CDYL2: variants seen among roughly 807,000 people sequenced by gnomAD.
CDYL2 encodes chromodomain Y-like protein 2.
Under a neutral mutation model 49.4 loss-of-function variants are expected in CDYL2, and 23 were observed. The ratio of observed to expected loss-of-function variants is 0.47; its 90% CI spans 0.34 to 0.66. The LOEUF is 0.66. CDYL2 is among the 30% of genes least tolerant of loss of function. The pLI is 0.01. For missense variants in CDYL2, 678 were observed against 656.4 expected (o/e 1.03, Z -0.36); for synonymous variants, 360 against 268.8 (o/e 1.34, Z -3.32).
chr16:80,659,510 C>A (rs1162141711), intron 2 of CDYL2, among the ~76,000 whole-genome samples: 1 of 151,878 alleles, frequency 6.6e-6, no homozygotes, highest in East Asian at 1.9e-4. Context: ...AATATCCACA[C>A]TAGATATTAA....
At chr16:80,762,217 C>A (rs10871396) in intron 1 of CDYL2, among the ~76,000 whole-genome samples, 1 of 151,938 alleles carries the variant, frequency 6.6e-6, no homozygotes, top group Non-Finnish European at 1.5e-5. Flanking sequence ...AAAACAAAGG[C>A]TACATCTATT....
intron 1 of CDYL2, among the ~76,000 whole-genome samples, chr16:80,718,322 T>C (rs922478567): frequency 3.9e-5 from 6 of 152,224 alleles, no homozygotes; most frequent in Admixed American, 1.3e-4. Flanking sequence ...TAAAGATGGA[T>C]GGCAAACTCA....
intron 2 of CDYL2, among the ~76,000 whole-genome samples, chr16:80,653,936 C>A (rs563180374): frequency 6.6e-6 from 1 of 152,134 alleles, no homozygotes; most frequent in Non-Finnish European, 1.5e-5. Context: ...ATTCCTCAAA[C>A]CCCAGGAGTC....
chr16:80,608,028 G>C, intron 6 of CDYL2, 64 bp downstream of exon 6: 4 of 1,490,858 alleles, frequency 2.7e-6, no homozygotes, highest in Non-Finnish European at 3.6e-6. Flanking sequence ...TCTGAGCCTT[G>C]CTGTCTTCAT....
chr16:80,612,579 G>C lies in CDYL2; in HGVS notation c.1218+47C>G, dbSNP rs780760548. Reference sequence around the variant, plus strand: ...GAAGAGCCCCTAAACCCAAGGCAGAGGAAGGATCCTGCTGGGACCCGAATC... The same window carrying C: ...GAAGAGCCCCTAAACCCAAGGCAGACGAAGGATCCTGCTGGGACCCGAATC... On this transcript the variant is annotated intron_variant, in intron 5 of 6. Coordinates refer to ENST00000570137, the MANE Select transcript of CDYL2 (RefSeq NM_152342.4). The surrounding 1 kb of genome is among the most constrained non-coding windows in gnomAD (Gnocchi z 5.0). The C allele has an allele frequency of 1.3e-6, 2 of 1,536,672 alleles. No individual in the cohort carries two copies. The highest frequency in any genetic ancestry group is 1.9e-5 in the Admixed American group (1 of 51,806).
chr16:80,694,642 G>C (rs752950944), intron 1 of CDYL2, among the ~76,000 whole-genome samples: 53 of 152,102 alleles, frequency 3.5e-4, no homozygotes, highest in Non-Finnish European at 2.5e-4. Flanking sequence ...ACATGAGTTA[G>C]AGCACACACA....
chr16:80,726,359 A>G (rs973581750), intron 1 of CDYL2, among the ~76,000 whole-genome samples: 13 of 152,246 alleles, frequency 8.5e-5, no homozygotes, highest in African/African-American at 2.9e-4. Flanking sequence ...CACAACAAAC[A>G]ATAACTGTAT....
Position 80,686,237 on chromosome 16 carries a change from C to T in CDYL2, c.25-1108G>A, listed in dbSNP as rs186013494. On this transcript the variant is annotated intron_variant, in intron 1 of 6. Transcript: ENST00000570137. Reference sequence around the variant, plus strand: ...CGTGGAAAAATACACTCGGAAAATGCCAGTCTCGATGCTAATAACTGTTGT... The same window carrying T: ...CGTGGAAAAATACACTCGGAAAATGTCAGTCTCGATGCTAATAACTGTTGT... 1.5e-4 allele frequency among the ~76,000 whole-genome samples: 23 copies of T among 152,264 alleles called. No individual in the cohort carries two copies. The East Asian group carries it at 4.4e-3, about 29-fold the overall frequency.
chr16:80,796,405 C>A (rs1907769545), intron 1 of CDYL2, among the ~76,000 whole-genome samples: 1 of 152,208 alleles, frequency 6.6e-6, no homozygotes, highest in African/African-American at 2.4e-5. Flanking sequence ...ACACATAAAA[C>A]TGACCATCAC....
At chr16:80,800,565 G>T (rs1447361887) in intron 1 of CDYL2, among the ~76,000 whole-genome samples, 1 of 151,594 alleles carries the variant, frequency 6.6e-6, no homozygotes, top group Admixed American at 6.6e-5. Flanking sequence ...ACCACAAACC[G>T]AAAAGATCCA....
intron 5 of CDYL2, among the ~76,000 whole-genome samples, chr16:80,611,892 C>A (rs369128652): frequency 6.6e-6 from 1 of 152,324 alleles, no homozygotes; most frequent in East Asian, 1.9e-4. Flanking sequence ...CAGTGGACTC[C>A]GCCGCCTCTG....
chr16:80,793,641 G>C (rs928785859), intron 1 of CDYL2, among the ~76,000 whole-genome samples: 13 of 152,146 alleles, frequency 8.5e-5, no homozygotes, highest in African/African-American at 2.7e-4. Flanking sequence ...TACAGACATG[G>C]TCCCTGCCCT....
chr16:80,801,221 C>T (rs375721217), intron 1 of CDYL2, among the ~76,000 whole-genome samples: 3 of 152,194 alleles, frequency 2.0e-5, no homozygotes, highest in African/African-American at 4.8e-5. Flanking sequence ...TAAGTGATGG[C>T]TACAATGCAC....
At chr16:80,677,807 A>G (rs1390738635) in intron 2 of CDYL2, among the ~76,000 whole-genome samples, 1 of 151,954 alleles carries the variant, frequency 6.6e-6, no homozygotes, top group Non-Finnish European at 1.5e-5. Context: ...TGCCAAGTCA[A>G]TCCTAAGCCA....
chr16:80,683,488 G>A (rs147900856), intron 2 of CDYL2, among the ~76,000 whole-genome samples: 6 of 152,300 alleles, frequency 3.9e-5, no homozygotes, highest in Non-Finnish European at 7.3e-5. Context: ...TGCCTACAGA[G>A]ACTTTGGAAA....
At position 80,690,898 on chromosome 16, in the gene CDYL2, C is replaced by G. The variant is rs1246311886; in HGVS notation, c.25-5769G>C. Among the ~76,000 whole-genome samples, 3 of 152,300 alleles carry G rather than the reference C, an allele frequency of 2.0e-5. No individual in the cohort carries two copies. The East Asian group carries it at 5.8e-4, about 29-fold the overall frequency. On this transcript the variant is annotated intron_variant, in intron 1 of 6. Coordinates refer to ENST00000570137, the MANE Select transcript of CDYL2 (RefSeq NM_152342.4). ...ATCCCCACCACAGATTCCCACCAAA[C>G]CAGCACAATGTATAAAATTACAATT...
In CDYL2 at chr16:80,641,050, T is replaced by C. The variant is rs570218472; in HGVS notation, c.617-7814A>G. Among the ~76,000 whole-genome samples, 8 of 152,146 alleles carry C rather than the reference T, an allele frequency of 5.3e-5. No individual in the cohort carries two copies. In the East Asian group the frequency reaches 1.5e-3, roughly 29 times the overall value. On this transcript the variant is annotated intron_variant, in intron 2 of 6. Coordinates refer to ENST00000570137, the MANE Select transcript of CDYL2 (RefSeq NM_152342.4). ...GTGGAAAGTTTATTCAAAGGGATAA[T>C]AACAGAGAACTTCCCAAGCCTAGAG...
chr16:80,803,522 C>G (rs1907991768), intron 1 of CDYL2, among the ~76,000 whole-genome samples: 1 of 151,958 alleles, frequency 6.6e-6, no homozygotes, highest in South Asian at 2.1e-4. Flanking sequence ...GCGGGGGCAG[C>G]AGGTGGGGGG....
At position 80,604,300 on chromosome 16, in the gene CDYL2, C is replaced by G; in HGVS notation, c.*88G>C. On this transcript the variant is annotated 3_prime_UTR_variant, in exon 7 of 7. Coordinates refer to ENST00000570137, the MANE Select transcript of CDYL2 (RefSeq NM_152342.4). ...CCCTACGTATAAAGAGACACCTTGACAAACTCCTTGGCCGGGGCAGACACT... is the reference window on the plus strand; with the variant it reads ...CCCTACGTATAAAGAGACACCTTGAGAAACTCCTTGGCCGGGGCAGACACT... The G allele has an allele frequency of 4.8e-6, 7 of 1,461,506 alleles. No homozygotes were observed. Among genetic ancestry groups the G allele is most frequent in the South Asian group, 1.2e-5 (1 of 85,508 alleles). The allele number at this position is 1,461,506 out of a possible 1,614,324, so 90.5% of individuals were successfully genotyped here.
Sources: allele counts gnomAD v4.1 joint callset (sites outside exome capture counted in the v4.1 genomes callset), GRCh38; gene constraint gnomAD v4.1.1; non-coding constraint Gnocchi (gnomAD v3.1); transcripts MANE v1.5; gene names NCBI Gene and HGNC (gene_info 2026-07-23, HGNC 2026-07-21).